The following COL6A3 variants were observed in gnomAD, a reference collection of about 807,000 sequenced individuals.
The protein encoded by COL6A3 is collagen alpha-3(VI) chain.
Under a neutral mutation model 274.1 loss-of-function variants are expected in COL6A3, and 137 were observed. That is an observed-to-expected ratio of 0.50 (90% CI 0.44 to 0.58). COL6A3 has a LOEUF of 0.58. COL6A3 is among the 20% of genes least tolerant of loss of function. The probability of loss-of-function intolerance (pLI) is 0.00; values close to 1 mark genes in which losing one functional copy is unlikely to be tolerated. For missense variants in COL6A3, 3,950 were observed against 4,124.9 expected (o/e 0.96, Z 1.16); for synonymous variants, 1,650 against 1,650.6 (o/e 1.00, Z 0.01).
At chr2:237,396,237 G>A (rs147053790) in intron 2 of COL6A3, among the ~76,000 whole-genome samples, 4 of 152,226 alleles carry the variant, frequency 2.6e-5, no homozygotes, top group South Asian at 2.1e-4. Flanking sequence ...CTTTTAATTC[G>A]TTTTGGGAAA....
intron 11 of COL6A3, 125 bp downstream of exon 11, chr2:237,366,562 A>G (rs1370944223): frequency 7.8e-6 from 11 of 1,404,336 alleles, no homozygotes; most frequent in Middle Eastern, 1.8e-4. Context: ...CCCAGTGGGT[A>G]TAAGTAAATG....
chr2:237,331,652 G>A (rs1170185436), intron 42 of COL6A3, among the ~76,000 whole-genome samples: 3 of 151,726 alleles, frequency 2.0e-5, no homozygotes, highest in African/African-American at 7.3e-5. Flanking sequence ...CAGGTTAAGT[G>A]CTTGTTTGTT....
chr2:237,399,943 G>A (rs1332063757), intron 1 of COL6A3, among the ~76,000 whole-genome samples: 1 of 152,190 alleles, frequency 6.6e-6, no homozygotes, highest in East Asian at 1.9e-4. Context: ...GAGAAGCCCA[G>A]GGGAAGGACC....
In COL6A3 at chr2:237,378,985, G is replaced by A. The variant is rs1204913393; in HGVS notation, c.2148C>T (p.Gly716=). Residue 716 remains glycine, a synonymous_variant, in exon 6 of 44, where the codon GGC becomes GGT. Transcript: ENST00000295550. ...LRQLQLQGGS[G]LNTGSALSYV... ...AGCTTAGGGCTGAGCCTGTGTTCAG[G>A]CCCGAACCTCCCTGGAGCTGCAGCT... is the stretch of plus-strand genomic sequence containing the variant. 9 of 1,614,098 alleles carry A rather than the reference G, an allele frequency of 5.6e-6. No individual in the cohort carries two copies. In the Admixed American group the frequency reaches 1.2e-4, roughly 21 times the overall value.
In COL6A3 at chr2:237,325,564, A is replaced by G. The variant is rs367728719; in HGVS notation, c.9489T>C (p.Ala3163=). Residue 3163 remains alanine (A), a synonymous_variant, in exon 43 of 44, where the codon GCT becomes GCC. Transcript: ENST00000295550. ...ACACAAGGAAGAATCACTTACCAGG[A>G]GCGCAAACCTTTTCACATTCTTTCT... The part of the protein sequence containing the change: ...GSQKECEKVC[A]PVLAKPGVIS... 6.2e-7 allele frequency: 1 copy of G among 1,614,154 alleles called. No individual in the cohort carries two copies. The highest frequency in any genetic ancestry group is 1.3e-5 in the African/African-American group (1 of 75,054).
rs1291188497 is a variant in COL6A3, at chr2:237,340,398, C to G, written c.8464+54G>C. Reference sequence around the variant, plus strand: ...TTCCATGACTGTTCCTACACTTCTCCTGGCCCGAGCATAAAGCCAGGCCAG... The same window carrying G: ...TTCCATGACTGTTCCTACACTTCTCGTGGCCCGAGCATAAAGCCAGGCCAG... On this transcript the variant is annotated intron_variant, in intron 38 of 43. Coordinates refer to ENST00000295550, the MANE Select transcript of COL6A3 (RefSeq NM_004369.4). 3 of 1,535,564 alleles carry G rather than the reference C, an allele frequency of 2.0e-6. No individual in the cohort carries two copies. In the African/African-American group the frequency reaches 4.1e-5, roughly 21 times the overall value.
chr2:237,380,405 A>T (rs2077971967), intron 5 of COL6A3, among the ~76,000 whole-genome samples: 1 of 152,254 alleles, frequency 6.6e-6, no homozygotes. Context: ...TGAACTCCAC[A>T]CTTAGCCATT....
chr2:237,377,378 A>G (rs2077877334), intron 6 of COL6A3, 34 bp from the exon 7 acceptor site: 1 of 1,593,306 alleles, frequency 6.3e-7, no homozygotes, highest in Non-Finnish European at 8.5e-7. Flanking sequence ...ACAATGAGGG[A>G]CGAGAGCATA....
chr2:237,364,610 G>A lies in COL6A3; in HGVS notation c.5839-182C>T, dbSNP rs923942436. ...CTTTGATATTGCACTTAAAATGGAG[G>A]AGTATATTTGAGTGCTTAATTTATT... On this transcript the variant is annotated intron_variant, in intron 12 of 43. Transcript: ENST00000295550. The surrounding 1 kb of genome is among the most constrained non-coding windows in gnomAD (Gnocchi z 4.6). Among the ~76,000 whole-genome samples the A allele has an allele frequency of 6.6e-6, 1 of 152,216 alleles. No homozygotes were observed. The highest frequency in any genetic ancestry group is 6.5e-5 in the Admixed American group (1 of 15,290).
At chr2:237,348,806 T>G in intron 28 of COL6A3, 143 bp from the exon 29 acceptor site, 5 of 739,244 alleles carry the variant, frequency 6.8e-6, no homozygotes, top group Non-Finnish European at 1.2e-5. Flanking sequence ...TAGGCACACT[T>G]CCTGCTCCTG....
chr2:237,360,024 T>C, intron 17 of COL6A3, 64 bp downstream of exon 17: 2 of 1,539,250 alleles, frequency 1.3e-6, no homozygotes, highest in South Asian at 1.1e-5. Context: ...CCTGGCAGCA[T>C]CTGGAGAAAC....
chr2:237,382,747 G>A (rs535851042), intron 4 of COL6A3, among the ~76,000 whole-genome samples: 1 of 152,302 alleles, frequency 6.6e-6, no homozygotes, highest in African/African-American at 2.4e-5. Flanking sequence ...AGGTAAGGAA[G>A]AACTTTCTAA....
At chr2:237,385,282 C>T (rs546791610) in intron 4 of COL6A3, among the ~76,000 whole-genome samples, 1 of 152,316 alleles carries the variant, frequency 6.6e-6, no homozygotes, top group East Asian at 1.9e-4. Flanking sequence ...GTGTCTGGCA[C>T]ATGCCAGATA....
Position 237,395,158 on chromosome 2 carries a change from G to C in COL6A3, c.138C>G (p.Ser46=). The part of the protein sequence containing the change: ...AAADIIFLVD[S]SWTIGEEHFQ... ...AATGTTCCTCTCCAATGGTCCAAGA[G>C]GAATCCACTAGAAATATTATATCAG... Residue 46 remains serine (S), a synonymous_variant, in exon 3 of 44, where the codon TCC becomes TCG. Transcript: ENST00000295550. The C allele has an allele frequency of 6.2e-7, 1 of 1,613,792 alleles. No individual in the cohort carries two copies. The highest frequency in any genetic ancestry group is 8.5e-7 in the Non-Finnish European group (1 of 1,180,004).
rs2077076117 is a variant in COL6A3, at chr2:237,345,311, G to T, written c.7093-98C>A. The T allele has an allele frequency of 4.2e-6, 5 of 1,184,104 alleles. No individual in the cohort carries two copies. In the Admixed American group the frequency reaches 7.0e-5, roughly 16 times the overall value. 73.3% of individuals were successfully genotyped at this position (1,184,104 alleles called of 1,614,324 possible). On this transcript the variant is annotated intron_variant, in intron 32 of 43. Coordinates refer to ENST00000295550, the MANE Select transcript of COL6A3 (RefSeq NM_004369.4). ...GAAATACACAGAGCAAGACAAAGGG[G>T]CCCCTGGATAACCTTGATTGTTTAC...
At position 237,352,572 on chromosome 2, in the gene COL6A3, G is replaced by A. The variant is rs369948687; in HGVS notation, c.6703C>T (p.Pro2235Ser). Reference protein sequence around the residue: ...GTRGAQGPAGPAGPPGLIGEQ... With the variant: ...GTRGAQGPAGSAGPPGLIGEQ... Reference sequence around the variant, plus strand: ...CCTATCAGCCCTGGAGGACCAGCAGGACCAGCTGGGCCCTGAGGAAGGAAA... The same window carrying A: ...CCTATCAGCCCTGGAGGACCAGCAGAACCAGCTGGGCCCTGAGGAAGGAAA... The change falls in exon 26 of 44, where the codon CCT becomes TCT. Residue 2235 changes from proline (P) to serine (S), a missense_variant. Physicochemically the swap from Pro to Ser is moderately conservative, Grantham distance 74 (BLOSUM62 -1). Around this residue, in one of 5 missense-constraint regions of COL6A3, gnomAD observed 1,284 missense variants for 1,349.7 expected, o/e 0.95. Transcript: ENST00000295550. The A allele has an allele frequency of 6.2e-7, 1 of 1,613,536 alleles. No individual in the cohort carries two copies. The highest frequency in any genetic ancestry group is 8.5e-7 in the Non-Finnish European group (1 of 1,179,842).
In COL6A3 at chr2:237,346,085, C is replaced by G. The variant is rs543667981; in HGVS notation, c.7092+418G>C. ...GGCAGCATGACTAGTGGGATTTAAC[C>G]ACAAATCAGGAGCTCCCTTGGGGAT... On this transcript the variant is annotated intron_variant, in intron 32 of 43. Transcript: ENST00000295550. 2.0e-5 allele frequency among the ~76,000 whole-genome samples: 3 copies of G among 152,272 alleles called. No homozygotes were observed. In the South Asian group the frequency reaches 6.2e-4, roughly 32 times the overall value.
rs1197948834 is a variant in COL6A3 at position 237,413,096 on chromosome 2, CA to C, written c.-31+856del. Among the ~76,000 whole-genome samples the C allele has an allele frequency of 2.6e-5, 4 of 152,202 alleles. No homozygotes were observed. The highest frequency in any genetic ancestry group is 5.9e-5 in the Non-Finnish European group (4 of 68,020). On this transcript the variant is annotated intron_variant, in intron 1 of 43. Coordinates refer to ENST00000295550, the MANE Select transcript of COL6A3 (RefSeq NM_004369.4). This position sits in a 1 kb window ranked among gnomAD's most constrained non-coding sequence, Gnocchi z 4.0. ...GCTGGCCACTGTCAGCGAACGTGTC[CA>C]TCCTCAGCAAGAGAGGGCCCGAGCC... is the stretch of plus-strand genomic sequence containing the variant.
rs1188552449 is a variant in COL6A3, at chr2:237,404,252, T to C, written c.-30-7405A>G. On this transcript the variant is annotated intron_variant, in intron 1 of 43. Coordinates refer to ENST00000295550, the MANE Select transcript of COL6A3 (RefSeq NM_004369.4). ...AAAGAGTCTATGATCCTCCCACAGT[T>C]GAGTGCAAAATTGCATCTATGGATG... is the stretch of plus-strand genomic sequence containing the variant. Among the ~76,000 whole-genome samples the C allele has an allele frequency of 2.6e-5, 4 of 152,254 alleles. No homozygotes were observed. In the South Asian group the frequency reaches 8.3e-4, roughly 32 times the overall value.
Sources: allele counts gnomAD v4.1 joint callset (sites outside exome capture counted in the v4.1 genomes callset), GRCh38; gene constraint gnomAD v4.1.1; regional missense constraint gnomAD v4.1.1; non-coding constraint Gnocchi (gnomAD v3.1); transcripts MANE v1.5; gene names NCBI Gene and HGNC (gene_info 2026-07-23, HGNC 2026-07-21).